The following FAM193A variants were observed in gnomAD, a reference collection of about 807,000 sequenced individuals.
FAM193A encodes family with sequence similarity 193 member A.
FAM193A carries 22 observed loss-of-function variants against 126.5 expected under a neutral mutation model. The observed-to-expected ratio is 0.17, with a 90% CI of 0.12 to 0.25. The LOEUF (loss-of-function observed/expected upper bound fraction) is 0.25, where lower values mean the gene tolerates loss of function less well. Among genes scored for constraint, FAM193A ranks in the 10% least tolerant of loss-of-function variants. The probability of loss-of-function intolerance (pLI) is 1.00; values close to 1 mark genes in which losing one functional copy is unlikely to be tolerated. For missense variants in FAM193A, 1,675 were observed against 1,672.8 expected (o/e 1.00, Z -0.02); for synonymous variants, 761 against 646.8 (o/e 1.18, Z -2.68).
intron 1 of FAM193A, among the ~76,000 whole-genome samples, chr4:2,576,469 A>G (rs1227817886): frequency 5.3e-5 from 8 of 152,176 alleles, no homozygotes. Flanking sequence ...GGGCTGAGGC[A>G]GGAGGATGGC....
intron 2 of FAM193A, among the ~76,000 whole-genome samples, chr4:2,604,123 G>A (rs1024827528): frequency 3.9e-5 from 6 of 152,138 alleles, no homozygotes; most frequent in Non-Finnish European, 8.8e-5. Flanking sequence ...AATTACAGGG[G>A]TGAGCCACCA....
At chr4:2,673,885 C>T (rs2109171802) in intron 13 of FAM193A, among the ~76,000 whole-genome samples, 1 of 152,128 alleles carries the variant, frequency 6.6e-6, no homozygotes, top group South Asian at 2.1e-4. Flanking sequence ...TTGGCCTTTT[C>T]TTAGGAAATT....
intron 2 of FAM193A, among the ~76,000 whole-genome samples, chr4:2,613,395 T>C (rs541970583): frequency 1.2e-3 from 178 of 149,668 alleles, no homozygotes; most frequent in African/African-American, 4.2e-3. Flanking sequence ...TTTTTTTTTT[T>C]GGATATTGGC....
At chr4:2,673,026 T>C (rs1713999908) in intron 13 of FAM193A, among the ~76,000 whole-genome samples, 1 of 152,206 alleles carries the variant, frequency 6.6e-6, no homozygotes, top group Non-Finnish European at 1.5e-5. Flanking sequence ...GAACCTCATG[T>C]GTATACTTAG....
chr4:2,624,530 G>A (rs545862608), intron 2 of FAM193A, among the ~76,000 whole-genome samples: 16 of 152,236 alleles, frequency 1.1e-4, no homozygotes, highest in South Asian at 4.1e-4. Flanking sequence ...CCTCTGCCCC[G>A]GCTGCTTGAT....
chr4:2,694,860 A>T, intron 16 of FAM193A, 86 bp from the exon 17 acceptor site: 1 of 1,172,350 alleles, frequency 8.5e-7, no homozygotes, highest in Non-Finnish European at 1.2e-6. Flanking sequence ...TGAAATGGGC[A>T]GGACAGTGGG....
intron 19 of FAM193A, 117 bp downstream of exon 19, chr4:2,700,661 T>G (rs1481006868): frequency 3.8e-6 from 5 of 1,309,904 alleles, no homozygotes; most frequent in Non-Finnish European, 5.2e-6. Flanking sequence ...CTCCCTCCTG[T>G]AGAAAAGAGC....
At chr4:2,584,210 C>T (rs1740105205) in intron 1 of FAM193A, among the ~76,000 whole-genome samples, 1 of 152,128 alleles carries the variant, frequency 6.6e-6, no homozygotes, top group South Asian at 2.1e-4. Flanking sequence ...TGAGAGATCT[C>T]TCCCTATGGA....
At chr4:2,609,386 A>G (rs1741726248) in intron 2 of FAM193A, among the ~76,000 whole-genome samples, 1 of 152,150 alleles carries the variant, frequency 6.6e-6, no homozygotes, top group African/African-American at 2.4e-5. Flanking sequence ...CCTGAACTCA[A>G]GCATCCTGTC....
At chr4:2,639,570 A>T (rs1378611064) in intron 5 of FAM193A, among the ~76,000 whole-genome samples, 165 bp from the exon 6 acceptor site, 1 of 142,846 alleles carries the variant, frequency 7.0e-6, no homozygotes, top group Non-Finnish European at 1.5e-5. Flanking sequence ...GCCTTGAGAC[A>T]TACAGGGAGC....
intron 20 of FAM193A, among the ~76,000 whole-genome samples, chr4:2,724,105 T>C (rs917255335): frequency 6.6e-6 from 1 of 152,078 alleles, no homozygotes; most frequent in Non-Finnish European, 1.5e-5. Flanking sequence ...CTACATGAAA[T>C]CTTATTGAAA....
chr4:2,706,592 G>A (rs910669093), intron 19 of FAM193A, among the ~76,000 whole-genome samples: 2 of 151,790 alleles, frequency 1.3e-5, no homozygotes, highest in Admixed American at 6.6e-5. Context: ...CACCGTTCCC[G>A]TCCTGTCCTA....
At chr4:2,711,839 A>G (rs1384117555) in intron 19 of FAM193A, among the ~76,000 whole-genome samples, 7 of 152,026 alleles carry the variant, frequency 4.6e-5, no homozygotes, top group African/African-American at 1.7e-4. Context: ...AGGCAGAAGA[A>G]TCGCTTGAAT....
chr4:2,587,222 T>G (rs73207332), intron 1 of FAM193A, among the ~76,000 whole-genome samples: 28,948 of 152,052 alleles, frequency 0.19, 3,631 homozygotes, highest in Middle Eastern at 0.3. Context: ...GAGGACCCAG[T>G]GTGTCCAGAT....
chr4:2,725,985 G>A (rs1250387109), intron 20 of FAM193A, among the ~76,000 whole-genome samples: 3 of 151,738 alleles, frequency 2.0e-5, no homozygotes, highest in African/African-American at 7.3e-5. Flanking sequence ...TGCAAGCTCC[G>A]CCTCCCAAGT....
Position 2,632,289 on chromosome 4 carries a change from G to T in FAM193A, c.1038+1120G>T, listed in dbSNP as rs184374230. The stretch of plus-strand genomic sequence containing the variant: ...CTTAGAAAAATTTACATACAGCCCG[G>T]GTGTGGTGGCTCATACCTGTAATCC... On this transcript the variant is annotated intron_variant, in intron 5 of 20. Coordinates refer to ENST00000637812, the MANE Select transcript of FAM193A (RefSeq NM_001366318.2). Among the ~76,000 whole-genome samples, 368 of 152,236 alleles carry T rather than the reference G, an allele frequency of 2.4e-3. 1 individual carries two copies. Among genetic ancestry groups the T allele is most frequent in the African/African-American group, 8.4e-3 (347 of 41,550 alleles).
chr4:2,660,312 T>C (rs535118882), intron 10 of FAM193A, among the ~76,000 whole-genome samples: 67 of 152,022 alleles, frequency 4.4e-4, no homozygotes, highest in South Asian at 2.1e-3. Context: ...AGAGAAGAAG[T>C]GTCTCTAATT....
In FAM193A at chr4:2,602,746, A is replaced by G. The variant is rs1428803063; in HGVS notation, c.501+6417A>G. On this transcript the variant is annotated intron_variant, in intron 2 of 20. Coordinates refer to ENST00000637812, the MANE Select transcript of FAM193A (RefSeq NM_001366318.2). ...CGCGATCTCAGCTCACTGCAAGCTC[A>G]GCCTCCCGGGTTCACACCATTCTCC... 2.9e-5 allele frequency among the ~76,000 whole-genome samples: 4 copies of G among 136,654 alleles called. No individual in the cohort carries two copies. The South Asian group carries it at 9.3e-4, about 32-fold the overall frequency. 89.7% of individuals were successfully genotyped at this position (136,654 alleles called of 152,430 possible).
chr4:2,718,924 G>A (rs887002702), intron 20 of FAM193A, among the ~76,000 whole-genome samples: 7 of 152,110 alleles, frequency 4.6e-5, no homozygotes, highest in Non-Finnish European at 1.0e-4. Context: ...AACAATAGCT[G>A]TAAGTCTCAG....
Sources: gnomAD v4.1 joint callset for allele counts (sites outside exome capture counted in the v4.1 genomes callset) on GRCh38, gnomAD v4.1.1 for gene constraint, MANE v1.5 for transcripts, NCBI Gene and HGNC (gene_info 2026-07-23, HGNC 2026-07-21) for gene names.